CHODL: variants seen among roughly 807,000 people sequenced by gnomAD.
CHODL encodes chondrolectin, also known as transmembrane protein MT75.
CHODL carries 29 observed loss-of-function variants against 34.5 expected under a neutral mutation model. The ratio of observed to expected loss-of-function variants is 0.84; its 90% CI spans 0.63 to 1.15. The LOEUF (loss-of-function observed/expected upper bound fraction) is 1.15, where lower values mean the gene tolerates loss of function less well. Among genes scored for constraint, CHODL ranks in the 50% most tolerant of loss-of-function variants. CHODL has a pLI of 0.00. For missense variants in CHODL, 332 were observed against 332.5 expected (o/e 1.00, Z 0.01); for synonymous variants, 125 against 116.1 (o/e 1.08, Z -0.49).
At chr21:18,017,004 C>T (rs1211139515) in intron 1 of CHODL, among the ~76,000 whole-genome samples, 3 of 152,238 alleles carry the variant, frequency 2.0e-5, no homozygotes, top group Non-Finnish European at 4.4e-5. Flanking sequence ...ATGTCTGTAT[C>T]CCCATTGTAT....
chr21:18,187,546 C>T (rs1342070846), intron 2 of CHODL, among the ~76,000 whole-genome samples: 1 of 152,112 alleles, frequency 6.6e-6, no homozygotes, highest in Non-Finnish European at 1.5e-5. Flanking sequence ...TTCTTCCATC[C>T]ACTTAGACCT....
intron 1 of CHODL, among the ~76,000 whole-genome samples, chr21:17,948,050 A>C (rs993645689): frequency 1.3e-5 from 2 of 152,192 alleles, no homozygotes; most frequent in East Asian, 3.8e-4. Context: ...CAACTGAGAA[A>C]CAGAAAGTCA....
chr21:17,981,681 T>C (rs931663695), intron 1 of CHODL, among the ~76,000 whole-genome samples: 3 of 152,198 alleles, frequency 2.0e-5, no homozygotes, highest in Admixed American at 1.3e-4. Flanking sequence ...AGAGAGAAAC[T>C]CATGGATGTA....
At chr21:17,980,638 C>A (rs1475059600) in intron 1 of CHODL, among the ~76,000 whole-genome samples, 2 of 152,142 alleles carry the variant, frequency 1.3e-5, no homozygotes, top group Admixed American at 1.3e-4. Flanking sequence ...GACTGCCACC[C>A]TGGGAGACCA....
At chr21:18,233,428 G>A (rs958044782) in intron 2 of CHODL, among the ~76,000 whole-genome samples, 1 of 151,876 alleles carries the variant, frequency 6.6e-6, no homozygotes, top group African/African-American at 2.4e-5. Flanking sequence ...TTAAAACTGG[G>A]GATGGCTATA....
In CHODL at chr21:18,054,429, T is replaced by G. The variant is rs144185414; in HGVS notation, c.-45+26458T>G. Among the ~76,000 whole-genome samples the G allele has an allele frequency of 2.6e-3, 399 of 152,138 alleles. 6 individuals are homozygous for G. In the Middle Eastern group the frequency reaches 0.071, roughly 27 times the overall value. On this transcript the variant is annotated intron_variant, in intron 2 of 6. Coordinates refer to the CHODL transcript ENST00000400127. ...TAGTAAGTTAGATATAACAAAATAC[T>G]ATACAGCCTTAAGAAAGAAGGAAAT...
intron 2 of CHODL, among the ~76,000 whole-genome samples, chr21:18,138,471 G>A (rs1688182): frequency 0.3 from 46,120 of 151,920 alleles, 9,028 homozygotes; most frequent in African/African-American, 0.56. Context: ...CAATTAAAAT[G>A]TGACAGCTTT....
At chr21:18,209,210 T>C (rs1472987120) in intron 2 of CHODL, among the ~76,000 whole-genome samples, 3 of 152,164 alleles carry the variant, frequency 2.0e-5, no homozygotes, top group Admixed American at 2.0e-4. Flanking sequence ...TATTCTACTG[T>C]GGCTCAGCTG....
intron 2 of CHODL, among the ~76,000 whole-genome samples, chr21:18,098,754 A>G (rs1048434375): frequency 6.6e-6 from 1 of 152,120 alleles, no homozygotes; most frequent in Non-Finnish European, 1.5e-5. Flanking sequence ...AAATCAGTAT[A>G]TCAAAGAGAT....
At chr21:18,009,176 T>C (rs2063988245) in intron 1 of CHODL, among the ~76,000 whole-genome samples, 1 of 152,172 alleles carries the variant, frequency 6.6e-6, no homozygotes, top group African/African-American at 2.4e-5. Context: ...ACAATTCCGT[T>C]CAGTTGAATA....
chr21:17,921,630 C>T (rs548813717), intron 1 of CHODL, among the ~76,000 whole-genome samples: 12 of 152,278 alleles, frequency 7.9e-5, no homozygotes, highest in African/African-American at 2.6e-4. Flanking sequence ...TGAATTGAGA[C>T]GTGTGAGAAA....
intron 2 of CHODL, among the ~76,000 whole-genome samples, chr21:18,124,064 T>A (rs2065513095): frequency 1.3e-5 from 2 of 152,046 alleles, no homozygotes; most frequent in South Asian, 4.2e-4. Context: ...GGCGCCTTAA[T>A]TCCAGCTACT....
chr21:17,946,346 G>A (rs1440487908), intron 1 of CHODL, among the ~76,000 whole-genome samples: 2 of 152,124 alleles, frequency 1.3e-5, no homozygotes, highest in Non-Finnish European at 1.5e-5. Context: ...GTGAACCCCC[G>A]GGGGCGGAGC....
At chr21:18,137,746 G>A (rs555486468) in intron 2 of CHODL, among the ~76,000 whole-genome samples, 6 of 152,106 alleles carry the variant, frequency 3.9e-5, no homozygotes, top group East Asian at 1.9e-4. Flanking sequence ...AGATGCATGC[G>A]TATGTGTATA....
chr21:18,242,809 G>A (rs1304332901), upstream of CHODL, among the ~76,000 whole-genome samples: 6 of 152,150 alleles, frequency 3.9e-5, no homozygotes, highest in Admixed American at 6.5e-5. Flanking sequence ...TATTATTATA[G>A]TTTGGGCTTC....
chr21:18,005,084 C>T (rs574420591), intron 1 of CHODL, among the ~76,000 whole-genome samples: 22 of 152,218 alleles, frequency 1.4e-4, no homozygotes, highest in Admixed American at 4.6e-4. Context: ...CAGGTGTGTA[C>T]GCCATTTGTT....
rs564358974 is a variant in CHODL, at chr21:18,106,605, C to T, written c.-45+78634C>T. On this transcript the variant is annotated intron_variant, in intron 2 of 6. Coordinates refer to the CHODL transcript ENST00000400127. ...CCGCCTCCTGGGTTCCCACCATTCTCCTGCCTCAGCCTCCAAATAGCTGGG... is the reference window on the plus strand; with the variant it reads ...CCGCCTCCTGGGTTCCCACCATTCTTCTGCCTCAGCCTCCAAATAGCTGGG... Among the ~76,000 whole-genome samples the T allele has an allele frequency of 4.0e-4, 61 of 151,594 alleles. 1 individual carries two copies. The South Asian group carries it at 4.6e-3, about 11-fold the overall frequency.
chr21:18,176,094 G>A (rs756263021), intron 2 of CHODL, among the ~76,000 whole-genome samples: 7 of 152,036 alleles, frequency 4.6e-5, no homozygotes, highest in Non-Finnish European at 8.8e-5. Context: ...AAGACATGCC[G>A]GTTATATTTA....
chr21:18,207,034 C>T (rs1255350856), intron 2 of CHODL, among the ~76,000 whole-genome samples: 1 of 152,092 alleles, frequency 6.6e-6, no homozygotes, highest in Non-Finnish European at 1.5e-5. Context: ...ATCCCTCCTC[C>T]AGCCCCCAAC....
Sources: allele counts gnomAD v4.1 joint callset (sites outside exome capture counted in the v4.1 genomes callset), GRCh38; gene constraint gnomAD v4.1.1; transcripts MANE v1.5; gene names NCBI Gene and HGNC (gene_info 2026-07-23, HGNC 2026-07-21).